Variants in HS6ST3 observed in about 807,000 individuals in gnomAD.
HS6ST3 encodes heparan-sulfate 6-O-sulfotransferase 3.
In HS6ST3, 12 loss-of-function variants were observed where a neutral mutation model predicts 36.7. The ratio of observed to expected loss-of-function variants is 0.33; its 90% CI spans 0.21 to 0.53. The LOEUF is 0.53. HS6ST3 is among the 20% of genes least tolerant of loss of function. The pLI is 0.95. For missense variants in HS6ST3, 584 were observed against 640.9 expected, an observed-to-expected ratio of 0.91 and a Z score of 0.96; for synonymous variants, 240 against 257.5, an observed-to-expected ratio of 0.93 and a Z score of 0.65.
rs370194395 is a variant in HS6ST3 at position 96,790,873 on chromosome 13, G to A, written c.708-41617G>A. On this transcript the variant is annotated intron_variant, in intron 1 of 1. Coordinates refer to ENST00000376705, the MANE Select transcript of HS6ST3 (RefSeq NM_153456.4). ...TGAATTAATTCCCTCACAAAATTCTGATAAATGTTTACCTAAACATTTAAA... is the reference window on the plus strand; with the variant it reads ...TGAATTAATTCCCTCACAAAATTCTAATAAATGTTTACCTAAACATTTAAA... Among the ~76,000 whole-genome samples, 14 of 152,066 alleles carry A rather than the reference G, an allele frequency of 9.2e-5. No individual in the cohort carries two copies. The South Asian group carries it at 2.9e-3, about 32-fold the overall frequency.
intron 1 of HS6ST3, among the ~76,000 whole-genome samples, chr13:96,164,217 A>T (rs948782618): frequency 6.6e-6 from 1 of 152,176 alleles, no homozygotes; most frequent in Non-Finnish European, 1.5e-5. Context: ...ATGTATATAA[A>T]GCATTCTTCA....
chr13:96,145,968 A>G (rs1218067813), intron 1 of HS6ST3, among the ~76,000 whole-genome samples: 1 of 152,126 alleles, frequency 6.6e-6, no homozygotes, highest in African/African-American at 2.4e-5. Context: ...AGTTGTAGAT[A>G]CGTGGCATTA....
At chr13:96,628,590 T>C (rs753533513) in intron 1 of HS6ST3, among the ~76,000 whole-genome samples, 39 of 152,244 alleles carry the variant, frequency 2.6e-4, no homozygotes, top group Non-Finnish European at 5.2e-4. Context: ...GTTCCCAATA[T>C]GTTGGTAAAT....
chr13:96,620,306 C>T (rs2056489662), intron 1 of HS6ST3, among the ~76,000 whole-genome samples: 1 of 152,022 alleles, frequency 6.6e-6, no homozygotes, highest in Non-Finnish European at 1.5e-5. Flanking sequence ...TTTAAAAATG[C>T]TTGGGAAAGC....
chr13:96,315,136 A>AATCAG (rs2054961886), intron 1 of HS6ST3, among the ~76,000 whole-genome samples: 1 of 152,172 alleles, frequency 6.6e-6, no homozygotes, highest in African/African-American at 2.4e-5. Context: ...TAGAGGAGAA[A>AATCAG]ATCAGTGACT....
At chr13:96,697,703 A>G (rs1566432366) in intron 1 of HS6ST3, among the ~76,000 whole-genome samples, 1 of 152,212 alleles carries the variant, frequency 6.6e-6, no homozygotes, top group Admixed American at 6.5e-5. Flanking sequence ...TTTCAAGCCA[A>G]TCTGATAACC....
At chr13:96,714,584 A>G (rs904328408) in intron 1 of HS6ST3, among the ~76,000 whole-genome samples, 8 of 152,332 alleles carry the variant, frequency 5.3e-5, no homozygotes, top group Middle Eastern at 3.4e-3. Flanking sequence ...TTGATTTGGC[A>G]TGATATACTA....
At chr13:96,376,056 A>C (rs574293512) in intron 1 of HS6ST3, among the ~76,000 whole-genome samples, 1 of 152,290 alleles carries the variant, frequency 6.6e-6, no homozygotes, top group South Asian at 2.1e-4. Flanking sequence ...CCAGAAGCAT[A>C]TGGAACCCCG....
In HS6ST3 at chr13:96,347,499, G is replaced by A. The variant is rs117559643; in HGVS notation, c.707+255930G>A. 9.5e-3 allele frequency among the ~76,000 whole-genome samples: 1,444 copies of A among 152,196 alleles called. 14 individuals carry two copies. Among genetic ancestry groups the A allele is most frequent in the Non-Finnish European group, 0.014 (924 of 68,016 alleles). The stretch of plus-strand genomic sequence containing the variant: ...AGCGCCCTTGTGTGCTTATTCCAAC[G>A]TTGCTGTTTGGGGGAATTTTTAAAT... On this transcript the variant is annotated intron_variant, in intron 1 of 1. Transcript: ENST00000376705.
At chr13:96,817,944 T>C (rs556527438) in intron 1 of HS6ST3, among the ~76,000 whole-genome samples, 1 of 152,354 alleles carries the variant, frequency 6.6e-6, no homozygotes, top group South Asian at 2.1e-4. Flanking sequence ...AAGCCACCTC[T>C]TGTAGCCCTA....
At chr13:96,279,207 C>T (rs935024459) in intron 1 of HS6ST3, among the ~76,000 whole-genome samples, 61 of 152,274 alleles carry the variant, frequency 4.0e-4, no homozygotes, top group African/African-American at 1.3e-3. Flanking sequence ...GTGAATGTCA[C>T]AAACAGAAGT....
intron 1 of HS6ST3, among the ~76,000 whole-genome samples, chr13:96,208,887 A>G (rs1057069130): frequency 2.0e-5 from 3 of 152,196 alleles, no homozygotes; most frequent in African/African-American, 7.2e-5. Context: ...TTTCCCATGT[A>G]TAAATATCTT....
At chr13:96,468,554 G>A (rs997731510) in intron 1 of HS6ST3, among the ~76,000 whole-genome samples, 2 of 151,292 alleles carry the variant, frequency 1.3e-5, no homozygotes, top group Non-Finnish European at 2.9e-5. Context: ...TTTCTGCAAG[G>A]AAAATGAGGA....
chr13:96,612,161 G>A (rs117314695), intron 1 of HS6ST3, among the ~76,000 whole-genome samples: 2,244 of 152,252 alleles, frequency 0.015, 21 homozygotes, highest in Admixed American at 0.023. Context: ...CCTAGTTTGA[G>A]TGATTAGGAA....
chr13:96,560,223 G>T, intron 1 of HS6ST3, among the ~76,000 whole-genome samples: 1 of 152,138 alleles, frequency 6.6e-6, no homozygotes, highest in East Asian at 1.9e-4. Flanking sequence ...CTTATTAGTG[G>T]CCATGTGTTA....
intron 1 of HS6ST3, among the ~76,000 whole-genome samples, chr13:96,247,628 A>G (rs2054590512): frequency 6.6e-6 from 1 of 152,006 alleles, no homozygotes; most frequent in African/African-American, 2.4e-5. Flanking sequence ...AGTTTTGGGT[A>G]TTTCTTTAGA....
intron 1 of HS6ST3, among the ~76,000 whole-genome samples, chr13:96,110,666 C>A (rs1039955668): frequency 2.6e-5 from 4 of 152,050 alleles, no homozygotes; most frequent in African/African-American, 7.2e-5. Flanking sequence ...CCTCCTGATC[C>A]CCCCGCCTCG....
In HS6ST3 at chr13:96,162,733, A is replaced by T. The variant is rs143063801; in HGVS notation, c.707+71164A>T. On this transcript the variant is annotated intron_variant, in intron 1 of 1. Coordinates refer to ENST00000376705, the MANE Select transcript of HS6ST3 (RefSeq NM_153456.4). ...ATGAGGTCTGCCCCATTAAAAATTT[A>T]TCACAGTTAAGATGAAAGGCAACAC... 4.5e-4 allele frequency among the ~76,000 whole-genome samples: 69 copies of T among 152,358 alleles called. 2 individuals carry two copies. The highest frequency in any genetic ancestry group is 1.5e-3 in the African/African-American group (64 of 41,588).
chr13:96,257,063 G>C (rs2054640845), intron 1 of HS6ST3, among the ~76,000 whole-genome samples: 1 of 152,164 alleles, frequency 6.6e-6, no homozygotes, highest in Admixed American at 6.5e-5. Flanking sequence ...TTCTAAGGAT[G>C]AGTGGACTTA....
Sources: gnomAD v4.1 joint callset for allele counts (sites outside exome capture counted in the v4.1 genomes callset) on GRCh38, gnomAD v4.1.1 for gene constraint, MANE v1.5 for transcripts, NCBI Gene and HGNC (gene_info 2026-07-23, HGNC 2026-07-21) for gene names.